The following RNF152 variants were observed in gnomAD, a reference collection of about 807,000 sequenced individuals.
The protein encoded by RNF152 is E3 ubiquitin-protein ligase RNF152.
Under a neutral mutation model 12.7 loss-of-function variants are expected in RNF152, and 11 were observed. The observed-to-expected ratio is 0.86, with a 90% confidence interval of 0.54 to 1.43. The LOEUF (loss-of-function observed/expected upper bound fraction) is 1.43. RNF152 is among the 40% of genes most tolerant of loss of function. The pLI, the probability that RNF152 is intolerant of heterozygous loss-of-function variation, is 0.00. For missense variants in RNF152, 255 were observed against 274.8 expected (o/e 0.93, Z 0.51); for synonymous variants, 113 against 120.3 (o/e 0.94, Z 0.40).
At chr18:61,847,001 A>G (rs951978247) in intron 1 of RNF152, among the ~76,000 whole-genome samples, 1 of 152,112 alleles carries the variant, frequency 6.6e-6, no homozygotes, top group East Asian at 1.9e-4. Flanking sequence ...CCTCCATCAA[A>G]ATATTGTTAT....
At position 61,892,859 on chromosome 18, in the gene RNF152, G is replaced by A. The variant is rs1424313752; in HGVS notation, c.-200C>T. The stretch of plus-strand genomic sequence containing the variant: ...ATGACATCAAGTGGAAATGGTACAC[G>A]TTTAGGAGGCAAGAGGCTGACAGGC... On this transcript the variant is annotated 5_prime_UTR_variant, in exon 1 of 2. In the 5' UTR this introduces an upstream ATG that the reference lacks. Coordinates refer to ENST00000312828, the MANE Select transcript of RNF152 (RefSeq NM_173557.3). The A allele has an allele frequency of 6.6e-6, 1 of 152,222 alleles. No individual in the cohort carries two copies. Among genetic ancestry groups the A allele is most frequent in the Non-Finnish European group, 1.5e-5 (1 of 68,102 alleles). The allele number at this position is 152,222 out of a possible 1,614,324, so 9.4% of individuals were successfully genotyped here.
chr18:61,873,084 C>T (rs1463265828), intron 1 of RNF152, among the ~76,000 whole-genome samples: 2 of 152,160 alleles, frequency 1.3e-5, no homozygotes, highest in Non-Finnish European at 2.9e-5. Flanking sequence ...CTGCCACTTG[C>T]TAGCACAATC....
At chr18:61,854,014 G>T (rs538887758) in intron 1 of RNF152, among the ~76,000 whole-genome samples, 1 of 152,216 alleles carries the variant, frequency 6.6e-6, no homozygotes, top group East Asian at 1.9e-4. Context: ...GGGTTGACTT[G>T]CCCAGGTCCA....
intron 1 of RNF152, among the ~76,000 whole-genome samples, chr18:61,880,609 C>A (rs746010298): frequency 5.3e-5 from 8 of 152,196 alleles, no homozygotes; most frequent in Non-Finnish European, 7.3e-5. Context: ...TTATCTCCCC[C>A]ACTCTCCCAA....
chr18:61,871,847 A>T (rs2144738427), intron 1 of RNF152, among the ~76,000 whole-genome samples: 1 of 152,314 alleles, frequency 6.6e-6, no homozygotes, highest in Middle Eastern at 3.4e-3. Flanking sequence ...AGAGGTAGTA[A>T]GCCTCTGATA....
intron 1 of RNF152, among the ~76,000 whole-genome samples, chr18:61,880,062 T>C (rs1474759363): frequency 6.6e-6 from 1 of 152,032 alleles, no homozygotes; most frequent in African/African-American, 2.4e-5. Context: ...CTCACATAAC[T>C]ATATACACTG....
chr18:61,818,761 T>C (rs1909236981), intron 1 of RNF152, among the ~76,000 whole-genome samples: 1 of 152,218 alleles, frequency 6.6e-6, no homozygotes, highest in East Asian at 1.9e-4. Flanking sequence ...CACACGAATA[T>C]ATTTTTTCTT....
At chr18:61,866,694 T>C (rs1599310902) in intron 1 of RNF152, among the ~76,000 whole-genome samples, 1 of 152,210 alleles carries the variant, frequency 6.6e-6, no homozygotes, top group East Asian at 1.9e-4. Flanking sequence ...TACAGTGACA[T>C]GTTCATCCCT....
rs1457722922 is a variant in RNF152 at position 61,814,312 on chromosome 18, C to T, written c.*1540G>A. ...GCCCTGCTTGTCTTTCCTTCACTTC[C>T]CCCCACCCTCCTCACCATTTTCAGG... On this transcript the variant is annotated 3_prime_UTR_variant, in exon 2 of 2. Coordinates refer to ENST00000312828, the MANE Select transcript of RNF152 (RefSeq NM_173557.3). 4 of 152,154 alleles carry T rather than the reference C, an allele frequency of 2.6e-5. No individual in the cohort carries two copies. The highest frequency in any genetic ancestry group is 5.9e-5 in the Non-Finnish European group (4 of 68,038). The allele number at this position is 152,154 out of a possible 1,614,324, so 9.4% of individuals were successfully genotyped here.
chr18:61,848,918 A>C (rs923954839), intron 1 of RNF152, among the ~76,000 whole-genome samples: 5 of 152,160 alleles, frequency 3.3e-5, no homozygotes, highest in Non-Finnish European at 7.3e-5. Context: ...AAGACTGGAG[A>C]ATGATCCACA....
chr18:61,838,912 G>A (rs1910312315), intron 1 of RNF152, among the ~76,000 whole-genome samples: 1 of 151,962 alleles, frequency 6.6e-6, no homozygotes. Context: ...CTTGTCCCTG[G>A]AGAACCTGCT....
At chr18:61,874,193 CATA>C (rs1470607242) in intron 1 of RNF152, among the ~76,000 whole-genome samples, 1 of 152,192 alleles carries the variant, frequency 6.6e-6, no homozygotes, top group Non-Finnish European at 1.5e-5. Context: ...GGCAAAATGA[CATA>C]ATAATTTCCC....
intron 1 of RNF152, among the ~76,000 whole-genome samples, chr18:61,852,595 C>CAA (rs1384389776): frequency 6.6e-6 from 1 of 152,156 alleles, no homozygotes; most frequent in African/African-American, 2.4e-5. Flanking sequence ...TCTTATTCAG[C>CAA]AAACACAATA....
intron 1 of RNF152, among the ~76,000 whole-genome samples, chr18:61,865,067 C>A (rs1911671295): frequency 6.6e-6 from 1 of 152,038 alleles, no homozygotes; most frequent in Non-Finnish European, 1.5e-5. Context: ...ATTCCTCTAA[C>A]CTCTATCACC....
chr18:61,847,073 A>G (rs528141346), intron 1 of RNF152, among the ~76,000 whole-genome samples: 1 of 152,164 alleles, frequency 6.6e-6, no homozygotes, highest in Admixed American at 6.5e-5. Context: ...GTAGCTGCTC[A>G]GCAAACACCG....
intron 1 of RNF152, among the ~76,000 whole-genome samples, chr18:61,818,893 G>C (rs1262218777): frequency 2.0e-5 from 3 of 152,132 alleles, no homozygotes; most frequent in Non-Finnish European, 4.4e-5. Flanking sequence ...GCCTAGAGAT[G>C]GGAGCGCTAA....
intron 1 of RNF152, among the ~76,000 whole-genome samples, chr18:61,835,267 T>C (rs534032335): frequency 6.6e-6 from 1 of 152,350 alleles, no homozygotes; most frequent in Non-Finnish European, 1.5e-5. Flanking sequence ...TCTAAATTCC[T>C]ATCCATAGGA....
intron 1 of RNF152, among the ~76,000 whole-genome samples, chr18:61,835,812 T>A (rs1910155708): frequency 6.6e-6 from 1 of 152,186 alleles, no homozygotes; most frequent in Admixed American, 6.5e-5. Context: ...TTGGTATTGG[T>A]ATTGATACTA....
At chr18:61,825,297 T>A (rs1336144066) in intron 1 of RNF152, among the ~76,000 whole-genome samples, 3 of 152,190 alleles carry the variant, frequency 2.0e-5, no homozygotes, top group Admixed American at 6.5e-5. Flanking sequence ...GGAAGGAGAC[T>A]CTTCTTCAAC....
Sources: gnomAD v4.1 joint callset for allele counts (sites outside exome capture counted in the v4.1 genomes callset) on GRCh38, gnomAD v4.1.1 for gene constraint, MANE v1.5 for transcripts, NCBI Gene and HGNC (gene_info 2026-07-23, HGNC 2026-07-21) for gene names.